The following MUSK variants were observed in gnomAD, a reference collection of about 807,000 sequenced individuals.
MUSK encodes the protein muscle associated receptor tyrosine kinase.
Under a neutral mutation model 88.7 loss-of-function variants are expected in MUSK, and 55 were observed. The observed-to-expected ratio is 0.62, with a 90% CI of 0.50 to 0.78. The LOEUF (loss-of-function observed/expected upper bound fraction) is 0.78, where lower values mean the gene tolerates loss of function less well. Ranked by LOEUF, MUSK falls within the 30% of genes least tolerant of loss-of-function variation. The pLI, the probability that MUSK is intolerant of heterozygous loss-of-function variation, is 0.00. For synonymous variants in MUSK, 387 were observed against 391.9 expected, an observed-to-expected ratio of 0.99 and a Z score of 0.15; for missense variants, 1,015 against 1,074.3, an observed-to-expected ratio of 0.94 and a Z score of 0.77.
Position 110,701,114 on chromosome 9 carries a change from G to C in MUSK, c.628+3648G>C, listed in dbSNP as rs574326985. Among the ~76,000 whole-genome samples the C allele has an allele frequency of 9.2e-5, 14 of 152,300 alleles. No homozygotes were observed. The South Asian group carries it at 2.7e-3, about 29-fold the overall frequency. ...CACTTTTGTTAAAGGGTCAGGGAAG[G>C]GGGTGAGGATGAAGTGAGTTCTAAA... On this transcript the variant is annotated intron_variant, in intron 5 of 14. Coordinates refer to ENST00000374448, the MANE Select transcript of MUSK (RefSeq NM_005592.4).
intron 1 of MUSK, among the ~76,000 whole-genome samples, chr9:110,670,300 T>C (rs2075940745): frequency 6.6e-6 from 1 of 152,224 alleles, no homozygotes; most frequent in Non-Finnish European, 1.5e-5. Context: ...TACTTCCTGA[T>C]CAAACAACGG....
chr9:110,694,385 C>CAAAAAAAAA (rs796590211), intron 3 of MUSK, among the ~76,000 whole-genome samples: 6 of 51,522 alleles, frequency 1.2e-4, no homozygotes, highest in South Asian at 8.4e-4. Flanking sequence ...GACTCCGTCT[C>CAAAAAAAAA]AAAAAAAAAA....
chr9:110,802,743 A>G lies in MUSK; in HGVS notation c.*1755A>G, dbSNP rs1273043879. On this transcript the variant is annotated 3_prime_UTR_variant, in exon 15 of 15. Transcript: ENST00000374448. ...ACCTCTACCGTTGCCCACCCTGTCT[A>G]TTAGCTGGCCTTCCTCTCATTTCAG... Among the ~76,000 whole-genome samples, 2 of 152,148 alleles carry G rather than the reference A, an allele frequency of 1.3e-5. No homozygotes were observed. Among genetic ancestry groups the G allele is most frequent in the Non-Finnish European group, 2.9e-5 (2 of 68,022 alleles).
At position 110,697,308 on chromosome 9, in the gene MUSK, GT is replaced by G. The variant is rs746976294; in HGVS notation, c.487-16del. 6.2e-7 allele frequency: 1 copy of G among 1,611,516 alleles called. No homozygotes were observed. The highest frequency in any genetic ancestry group is 1.1e-5 in the South Asian group (1 of 90,632). The stretch of plus-strand genomic sequence containing the variant: ...GACCCATAAACATTTTTGAATTCAC[GT>G]CCCTATCTCTGGCAGGAAAATTCCC... On this transcript the variant is annotated splice_polypyrimidine_tract_variant and intron_variant, in intron 4 of 14. Coordinates refer to ENST00000374448, the MANE Select transcript of MUSK (RefSeq NM_005592.4).
At chr9:110,725,648 C>T (rs1330601701) in intron 5 of MUSK, among the ~76,000 whole-genome samples, 1 of 151,904 alleles carries the variant, frequency 6.6e-6, no homozygotes, top group East Asian at 1.9e-4. Context: ...ACTTGTTTAA[C>T]AATAAATGTG....
At chr9:110,721,258 A>G (rs564092688) in intron 5 of MUSK, among the ~76,000 whole-genome samples, 1 of 152,256 alleles carries the variant, frequency 6.6e-6, no homozygotes, top group African/African-American at 2.4e-5. Context: ...GACAAGAGAA[A>G]GAAATAAAGG....
At chr9:110,704,549 T>G (rs1386960401) in intron 5 of MUSK, among the ~76,000 whole-genome samples, 1 of 152,194 alleles carries the variant, frequency 6.6e-6, no homozygotes, top group Non-Finnish European at 1.5e-5. Context: ...TGCAAGGTAC[T>G]GTTCTAAGTG....
intron 5 of MUSK, among the ~76,000 whole-genome samples, chr9:110,718,259 A>C (rs892618279): frequency 6.6e-6 from 1 of 151,986 alleles, no homozygotes; most frequent in Non-Finnish European, 1.5e-5. Context: ...AGGAGTTAGT[A>C]ATGTTTTTCA....
In MUSK at chr9:110,785,773, C is replaced by A. The variant is rs565470719; in HGVS notation, c.1778+55C>A. 1.6e-5 allele frequency: 21 copies of A among 1,345,346 alleles called. 1 individual carries two copies. The South Asian group carries it at 2.9e-4, about 18-fold the overall frequency. 83.3% of individuals were successfully genotyped at this position (1,345,346 alleles called of 1,614,324 possible). The stretch of plus-strand genomic sequence containing the variant: ...ATTGAAATATGTTATGTCTGAAAAG[C>A]TACCAAACTATTAGCTTGGTATATA... On this transcript the variant is annotated intron_variant, in intron 13 of 14. Transcript: ENST00000374448.
intron 6 of MUSK, among the ~76,000 whole-genome samples, chr9:110,742,117 T>C (rs1178873987): frequency 3.3e-5 from 5 of 152,102 alleles, no homozygotes. Context: ...GTGGAAACTG[T>C]TATAGTCTTA....
intron 14 of MUSK, among the ~76,000 whole-genome samples, chr9:110,790,549 C>G (rs536549268): frequency 6.6e-6 from 1 of 152,076 alleles, no homozygotes; most frequent in Non-Finnish European, 1.5e-5. Flanking sequence ...GATGGATTGG[C>G]CTTTGTAAAG....
intron 1 of MUSK, among the ~76,000 whole-genome samples, chr9:110,673,252 A>G (rs550187124): frequency 6.6e-6 from 1 of 152,298 alleles, no homozygotes; most frequent in Admixed American, 6.5e-5. Context: ...AAGATGCAGT[A>G]TGTCTTAGAG....
intron 5 of MUSK, chr9:110,727,407 A>G (rs1383284869): frequency 6.6e-6 from 1 of 152,070 alleles, no homozygotes; most frequent in Non-Finnish European, 1.5e-5. Flanking sequence ...GGGTTTCACT[A>G]TTTATTTATG....
Position 110,800,926 on chromosome 9 carries a change from A to T in MUSK, c.2548A>T (p.Thr850Ser), listed in dbSNP as rs1452311017. The T allele has an allele frequency of 6.5e-7, 1 of 1,530,892 alleles. No individual in the cohort carries two copies. Among genetic ancestry groups the T allele is most frequent in the African/African-American group, 1.4e-5 (1 of 72,168 alleles). 94.8% of individuals were successfully genotyped at this position (1,530,892 alleles called of 1,614,324 possible). ...GCTGCCTGCAGACAGACCCAGTTTC[A>T]CCAGTATTCACCGAATTCTGGAACG... is the stretch of plus-strand genomic sequence containing the variant. ...SKLPADRPSFTSIHRILERMC... is the reference protein window; with the variant it reads ...SKLPADRPSFSSIHRILERMC... Residue 850 changes from threonine to serine, a missense_variant, in exon 15 of 15, where the codon ACC becomes TCC. Thr to Ser is a moderately conservative substitution (Grantham distance 58). Coordinates refer to ENST00000374448, the MANE Select transcript of MUSK (RefSeq NM_005592.4).
intron 6 of MUSK, among the ~76,000 whole-genome samples, chr9:110,740,342 C>T (rs1354370328): frequency 6.6e-6 from 1 of 152,122 alleles, no homozygotes; most frequent in African/African-American, 2.4e-5. Context: ...TAAGGCCTCT[C>T]TTCCTGGCTT....
chr9:110,777,346 T>C (rs532287492), intron 11 of MUSK, among the ~76,000 whole-genome samples: 1 of 152,140 alleles, frequency 6.6e-6, no homozygotes, highest in Non-Finnish European at 1.5e-5. Context: ...ACTTACTTCC[T>C]GTAATACATA....
intron 5 of MUSK, among the ~76,000 whole-genome samples, chr9:110,707,642 G>T (rs528089624): frequency 1.3e-5 from 2 of 152,204 alleles, no homozygotes; most frequent in Non-Finnish European, 2.9e-5. Context: ...TCAAGAGAGG[G>T]CTGTCAGTCA....
chr9:110,681,385 C>T (rs920654957), intron 1 of MUSK, among the ~76,000 whole-genome samples: 1 of 150,546 alleles, frequency 6.6e-6, no homozygotes, highest in African/African-American at 2.4e-5. Context: ...GTACATCAGT[C>T]ACTGTGCTCA....
intron 9 of MUSK, among the ~76,000 whole-genome samples, chr9:110,769,062 T>C (rs181658507): frequency 1.2e-3 from 180 of 152,302 alleles, no homozygotes; most frequent in Non-Finnish European, 2.0e-3. Flanking sequence ...AACTTCAGTT[T>C]CCTCATCTGC....
Sources: gnomAD v4.1 joint callset for allele counts (sites outside exome capture counted in the v4.1 genomes callset) on GRCh38, gnomAD v4.1.1 for gene constraint, MANE v1.5 for transcripts, NCBI Gene and HGNC (gene_info 2026-07-23, HGNC 2026-07-21) for gene names.